Variants in ZNF740 observed in about 807,000 individuals in gnomAD.
ZNF740 encodes the protein zinc finger protein 740.
ZNF740 carries 14 observed loss-of-function variants against 24.8 expected under a neutral mutation model. The ratio of observed to expected loss-of-function variants is 0.56; its 90% CI spans 0.37 to 0.88. ZNF740 has a LOEUF of 0.88. ZNF740 is among the 40% of genes least tolerant of loss of function. The probability of loss-of-function intolerance (pLI) is 0.00; values close to 1 mark genes in which losing one functional copy is unlikely to be tolerated. For synonymous variants in ZNF740, 69 were observed against 84.0 expected, an observed-to-expected ratio of 0.82 and a Z score of 0.98; for missense variants, 201 against 247.9, an observed-to-expected ratio of 0.81 and a Z score of 1.27.
At chr12:53,187,156 G>C (rs1441093068) in intron 6 of ZNF740, among the ~76,000 whole-genome samples, 1 of 152,248 alleles carries the variant, frequency 6.6e-6, no homozygotes, top group African/African-American at 2.4e-5. Context: ...TCTCTACTCT[G>C]TATCTGCCTT....
rs61761310 is a variant in ZNF740, at chr12:53,193,619, T to TG, written c.*6036dup. ...AGTCGGGATGTCGAGGAGACTCCTGTGGGGGGGATGGAAAGCAGCGGAGGA... is the reference window on the plus strand; with the variant it reads ...AGTCGGGATGTCGAGGAGACTCCTGTGGGGGGGGATGGAAAGCAGCGGAGGA... On this transcript the variant is annotated 3_prime_UTR_variant, in exon 7 of 7. Transcript: ENST00000416904. 221 of 1,160,766 alleles carry TG rather than the reference T, an allele frequency of 1.9e-4. No homozygotes were observed. Among genetic ancestry groups the TG allele is most frequent in the Middle Eastern group, 8.6e-4 (3 of 3,472 alleles). The allele number at this position is 1,160,766 out of a possible 1,614,324, so 71.9% of individuals were successfully genotyped here.
chr12:53,192,575 G>A lies in ZNF740; in HGVS notation c.*4985G>A. ...ATGCCAATAGGTTACCAGCTGGGCA[G>A]TTGTCACCCAATGCCCCTTGCCCAA... is the stretch of plus-strand genomic sequence containing the variant. On this transcript the variant is annotated 3_prime_UTR_variant, in exon 7 of 7. Transcript: ENST00000416904. The A allele has an allele frequency of 6.2e-7, 1 of 1,604,064 alleles. No individual in the cohort carries two copies.
Position 53,181,868 on chromosome 12 carries a change from G to A in ZNF740, c.-116G>A. 1.5e-6 allele frequency: 2 copies of A among 1,313,092 alleles called. No individual in the cohort carries two copies. The highest frequency in any genetic ancestry group is 1.3e-5 in the South Asian group (1 of 77,724). The allele number at this position is 1,313,092 out of a possible 1,614,324, so 81.3% of individuals were successfully genotyped here. On this transcript the variant is annotated 5_prime_UTR_variant, in exon 2 of 7. Coordinates refer to ENST00000416904, the MANE Select transcript of ZNF740 (RefSeq NM_001004304.4). ...TTCAATATGGCAACAGGACTGATGG[G>A]ACACGAAGGAGTCGCTACCGTGATT...
rs754597509 is a variant in ZNF740, at chr12:53,192,382, CAAG to C, written c.*4801_*4803del. The C allele has an allele frequency of 1.9e-5, 30 of 1,614,030 alleles. No individual in the cohort carries two copies. Among genetic ancestry groups the C allele is most frequent in the South Asian group, 1.6e-4 (15 of 91,082 alleles). ...CCGTGCCTCTGGCGTCATCCTCCAC[CAAG>C]AAGAAGAACAGCTGGTTGTCCAGGG... On this transcript the variant is annotated 3_prime_UTR_variant, in exon 7 of 7. Transcript: ENST00000416904.
In ZNF740 at chr12:53,184,928, G is replaced by A. The variant is rs765912564; in HGVS notation, c.47G>A (p.Ser16Asn). 6.2e-7 allele frequency: 1 copy of A among 1,613,954 alleles called. No individual in the cohort carries two copies. The change falls in exon 3 of 7, where the codon AGT (serine) becomes AAT (asparagine). Residue 16 changes from serine (S) to asparagine (N), a missense_variant. Around this residue, in one of 3 missense-constraint regions of ZNF740, gnomAD observed 117 missense variants for 122.3 expected, o/e 0.96. Transcript: ENST00000416904. ...LLACEGLAGVSLVPTAASKKM... is the reference protein window; with the variant it reads ...LLACEGLAGVNLVPTAASKKM... ...GCTTGTGAAGGCCTAGCAGGTGTGA[G>A]TTTGGTTCCCACTGCAGCCAGCAAG...
In ZNF740 at chr12:53,194,374, GT is replaced by G; in HGVS notation, c.*6785del. On this transcript the variant is annotated 3_prime_UTR_variant, in exon 7 of 7. Transcript: ENST00000416904. ...GGGAAGAGAGCGAGTGGATAACCACGTGAAGGCAGAAAAGGACTCCAACCCC... is the reference window on the plus strand; with the variant it reads ...GGGAAGAGAGCGAGTGGATAACCACGGAAGGCAGAAAAGGACTCCAACCCC... 6.2e-7 allele frequency: 1 copy of G among 1,611,492 alleles called. No individual in the cohort carries two copies. Among genetic ancestry groups the G allele is most frequent in the Non-Finnish European group, 8.5e-7 (1 of 1,178,402 alleles).
chr12:53,192,749 A>G lies in ZNF740; in HGVS notation c.*5159A>G. Reference sequence around the variant, plus strand: ...CATTGGTCGCATAGAGCACCATAGTAGCCGTCCAAGCACTGGCAGCGGTTG... The same window carrying G: ...CATTGGTCGCATAGAGCACCATAGTGGCCGTCCAAGCACTGGCAGCGGTTG... On this transcript the variant is annotated 3_prime_UTR_variant, in exon 7 of 7. Transcript: ENST00000416904. 6.2e-7 allele frequency: 1 copy of G among 1,614,234 alleles called. No homozygotes were observed. Among genetic ancestry groups the G allele is most frequent in the South Asian group, 1.1e-5 (1 of 91,088 alleles).
chr12:53,182,172 TTCCAGTCAAATGA>T (rs1157387264), intron 2 of ZNF740, 180 bp downstream of exon 2: 2 of 827,646 alleles, frequency 2.4e-6, no homozygotes, highest in African/African-American at 3.5e-5. Flanking sequence ...TTCAGGGAGC[TTCCAGTCAAATGA>T]AGGAGGTAGG....
In ZNF740 at chr12:53,194,833, T is replaced by G. The variant is rs1208377694; in HGVS notation, c.*7243T>G. The G allele has an allele frequency of 5.9e-6, 1 of 168,120 alleles. No individual in the cohort carries two copies. Among genetic ancestry groups the G allele is most frequent in the Non-Finnish European group, 1.3e-5 (1 of 76,398 alleles). 10.4% of individuals were successfully genotyped at this position (168,120 alleles called of 1,614,324 possible). On this transcript the variant is annotated 3_prime_UTR_variant, in exon 7 of 7. Transcript: ENST00000416904. Reference sequence around the variant, plus strand: ...ACCACTAAGAATTTTTATGGTTCCTTCTACCTGTAAAATTCTATGGTTCTT... The same window carrying G: ...ACCACTAAGAATTTTTATGGTTCCTGCTACCTGTAAAATTCTATGGTTCTT...
chr12:53,186,919 G>A (rs1941834678), intron 6 of ZNF740: 1 of 181,542 alleles, frequency 5.5e-6, no homozygotes, highest in African/African-American at 2.4e-5. Flanking sequence ...CAGAGCTAAT[G>A]CACTTTGGAG....
At chr12:53,183,390 A>G (rs867026979) in intron 2 of ZNF740, among the ~76,000 whole-genome samples, 1 of 152,358 alleles carries the variant, frequency 6.6e-6, no homozygotes, top group Admixed American at 6.5e-5. Flanking sequence ...CTTTCACTCC[A>G]AAGTCCCAGA....
At position 53,192,202 on chromosome 12, in the gene ZNF740, G is replaced by T; in HGVS notation, c.*4612G>T. The T allele has an allele frequency of 8.1e-7, 1 of 1,229,776 alleles. No individual in the cohort carries two copies. Among genetic ancestry groups the T allele is most frequent in the Non-Finnish European group, 1.1e-6 (1 of 871,264 alleles). 76.2% of individuals were successfully genotyped at this position (1,229,776 alleles called of 1,614,324 possible). On this transcript the variant is annotated 3_prime_UTR_variant, in exon 7 of 7. Transcript: ENST00000416904. ...CTCGTCCACTTGCTCAATTGCCTCT[G>T]CCTTTGTCCTGGATTCACAGTTCTG... is the stretch of plus-strand genomic sequence containing the variant.
intron 3 of ZNF740, 64 bp downstream of exon 3, chr12:53,185,104 T>C: frequency 6.2e-7 from 1 of 1,600,756 alleles, no homozygotes; most frequent in Admixed American, 1.7e-5. Context: ...TGCCAGGAGA[T>C]ACCAAGCTCT....
rs781674224 is a variant in ZNF740 at position 53,193,032 on chromosome 12, T to C, written c.*5442T>C. ...TATGCCAACCACACCCTCTAACCCA[T>C]ACACCGGAATCTTTTGATATTTGCC... On this transcript the variant is annotated 3_prime_UTR_variant, in exon 7 of 7. Transcript: ENST00000416904. 14 of 1,359,128 alleles carry C rather than the reference T, an allele frequency of 1.0e-5. No homozygotes were observed. The highest frequency in any genetic ancestry group is 1.4e-5 in the Non-Finnish European group (14 of 975,662). 84.2% of individuals were successfully genotyped at this position (1,359,128 alleles called of 1,614,324 possible). A position where few individuals can be genotyped will look rare whatever the true frequency, so the allele number is the denominator to read the frequency against.
rs762799421 is a variant in ZNF740, at chr12:53,191,104, A to AC, written c.*3520dup. 38 of 209,630 alleles carry AC rather than the reference A, an allele frequency of 1.8e-4. 1 individual carries two copies. Among genetic ancestry groups the AC allele is most frequent in the Middle Eastern group, 4.1e-3 (2 of 482 alleles). 13.0% of individuals were successfully genotyped at this position (209,630 alleles called of 1,614,324 possible). On this transcript the variant is annotated 3_prime_UTR_variant, in exon 7 of 7. Transcript: ENST00000416904. ...ACAGATGCAGTGTCTCTGACCTGGGACCCCCCTGCATCCGCAGCACTTGAG... is the reference window on the plus strand; with the variant it reads ...ACAGATGCAGTGTCTCTGACCTGGGACCCCCCCTGCATCCGCAGCACTTGAG...
intron 1 of ZNF740, 118 bp from the exon 2 acceptor site, chr12:53,181,559 T>A: frequency 1.1e-6 from 1 of 950,690 alleles, no homozygotes; most frequent in Non-Finnish European, 1.3e-6. Flanking sequence ...TCTTCTTGAC[T>A]CATGTCCTCG....
chr12:53,182,019 A>C (rs767511378), intron 2 of ZNF740, 27 bp downstream of exon 2: 3 of 1,604,750 alleles, frequency 1.9e-6, no homozygotes, highest in Non-Finnish European at 2.6e-6. Flanking sequence ...TCCTCCTCCA[A>C]GATAACTGGG....
chr12:53,181,535 C>A, intron 1 of ZNF740, 142 bp from the exon 2 acceptor site: 1 of 985,298 alleles, frequency 1.0e-6, no homozygotes. Flanking sequence ...CTCCTATTGA[C>A]CTAGAAAGAA....
chr12:53,182,873 A>G (rs1041757724), intron 2 of ZNF740, among the ~76,000 whole-genome samples: 6 of 152,190 alleles, frequency 3.9e-5, no homozygotes, highest in Admixed American at 6.5e-5. Flanking sequence ...GATCAGTGTT[A>G]TGTAGAAGGT....
Sources: gnomAD v4.1 joint callset for allele counts (sites outside exome capture counted in the v4.1 genomes callset) on GRCh38, gnomAD v4.1.1 for gene constraint, gnomAD v4.1.1 regional missense constraint, MANE v1.5 for transcripts, NCBI Gene and HGNC (gene_info 2026-07-23, HGNC 2026-07-21) for gene names.